USP47: variants seen among roughly 807,000 people sequenced by gnomAD.
USP47 encodes ubiquitin carboxyl-terminal hydrolase 47.
Under a neutral mutation model 165.1 loss-of-function variants are expected in USP47, and 35 were observed. The ratio of observed to expected loss-of-function variants is 0.21; its 90% CI spans 0.16 to 0.28. The LOEUF is 0.28. Ranked by LOEUF, USP47 falls within the 10% of genes least tolerant of loss-of-function variation. The pLI is 1.00. For synonymous variants in USP47, 531 were observed against 544.5 expected (o/e 0.98, Z 0.35); for missense variants, 1,277 against 1,607.4 (o/e 0.79, Z 3.52).
chr11:11,915,364 T>C (rs1231874101), intron 8 of USP47, among the ~76,000 whole-genome samples: 6 of 152,166 alleles, frequency 3.9e-5, no homozygotes, highest in Admixed American at 2.0e-4. Context: ...AAGCAGGTGG[T>C]TGTGGCTATA....
At chr11:11,842,818 T>G (rs933016049) in intron 1 of USP47, among the ~76,000 whole-genome samples, 39 of 151,110 alleles carry the variant, frequency 2.6e-4, no homozygotes, top group Non-Finnish European at 4.7e-4. Flanking sequence ...AGGAGAACAT[T>G]ACCACATGGA....
chr11:11,919,012 G>A (rs1853632151), intron 8 of USP47, among the ~76,000 whole-genome samples: 1 of 148,976 alleles, frequency 6.7e-6, no homozygotes, highest in Non-Finnish European at 1.5e-5. Flanking sequence ...CCAATAAAAT[G>A]CATGGTCATG....
intron 14 of USP47, among the ~76,000 whole-genome samples, chr11:11,931,877 A>G (rs1854692598): frequency 6.6e-6 from 1 of 152,176 alleles, no homozygotes; most frequent in Non-Finnish European, 1.5e-5. Context: ...AACTTTCGTA[A>G]AAATGATTAT....
intron 19 of USP47, among the ~76,000 whole-genome samples, chr11:11,940,943 G>A (rs1215000560): frequency 2.5e-4 from 38 of 151,798 alleles, no homozygotes; most frequent in Admixed American, 2.4e-3. Flanking sequence ...AGTGCTTCAT[G>A]GTGAGGGTCA....
At chr11:11,911,594 T>A (rs1852992076) in intron 8 of USP47, among the ~76,000 whole-genome samples, 1 of 150,964 alleles carries the variant, frequency 6.6e-6, no homozygotes, top group African/African-American at 2.4e-5. Context: ...ATAACACAGC[T>A]GCCAAAATAC....
rs1283487540 is a variant in USP47 at position 11,882,247 on chromosome 11, A to G, written c.243+1867A>G. The stretch of plus-strand genomic sequence containing the variant: ...TACTGGATTGGTTTATTTTCTTAAC[A>G]TAGATTTCCATATTTTTCTGTCTTA... On this transcript the variant is annotated intron_variant, in intron 2 of 27. Coordinates refer to ENST00000527733, the MANE Select transcript of USP47 (RefSeq NM_001282659.2). Among the ~76,000 whole-genome samples, 7 of 152,152 alleles carry G rather than the reference A, an allele frequency of 4.6e-5. No homozygotes were observed. The South Asian group carries it at 1.2e-3, about 27-fold the overall frequency.
chr11:11,935,659 T>G (rs1425620576), intron 16 of USP47, among the ~76,000 whole-genome samples: 1 of 151,950 alleles, frequency 6.6e-6, no homozygotes, highest in African/African-American at 2.4e-5. Context: ...AATCCTACTG[T>G]GTTTCTCTAG....
At chr11:11,908,713 A>G (rs1367472395) in intron 8 of USP47, among the ~76,000 whole-genome samples, 2 of 150,860 alleles carry the variant, frequency 1.3e-5, no homozygotes, top group African/African-American at 4.9e-5. Context: ...CTTTTATTAT[A>G]ATAATTTCTT....
At chr11:11,870,739 C>T (rs962961563) in intron 1 of USP47, among the ~76,000 whole-genome samples, 1 of 152,128 alleles carries the variant, frequency 6.6e-6, no homozygotes, top group Non-Finnish European at 1.5e-5. Flanking sequence ...AAAATTATCC[C>T]GCTTTTCTGT....
intron 3 of USP47, among the ~76,000 whole-genome samples, chr11:11,890,028 T>G (rs1851413014): frequency 6.6e-6 from 1 of 152,154 alleles, no homozygotes; most frequent in Non-Finnish European, 1.5e-5. Context: ...GACTCCTTCC[T>G]TACACCATAA....
intron 8 of USP47, among the ~76,000 whole-genome samples, chr11:11,912,249 G>C (rs1201851696): frequency 1.3e-5 from 2 of 151,768 alleles, no homozygotes; most frequent in Non-Finnish European, 2.9e-5. Context: ...TTGAACATGA[G>C]AAAACAGTAG....
chr11:11,851,912 A>G (rs1172967230), intron 1 of USP47, among the ~76,000 whole-genome samples: 4 of 152,152 alleles, frequency 2.6e-5, no homozygotes, highest in African/African-American at 9.7e-5. Context: ...TTCTTAGTGC[A>G]TTATGTTGGT....
At position 11,955,961 on chromosome 11, in the gene USP47, G is replaced by A. The variant is rs192870778; in HGVS notation, c.3894-40G>A. 1.4e-3 allele frequency: 2,028 copies of A among 1,460,494 alleles called. 30 individuals carry two copies. The African/African-American group carries it at 0.026, about 19-fold the overall frequency. The allele number at this position is 1,460,494 out of a possible 1,614,324, so 90.5% of individuals were successfully genotyped here. ...AAGCATACATTAATAGAGGTGGAGG[G>A]CTCTACTGGACTAATATGTGATTAA... On this transcript the variant is annotated intron_variant, in intron 27 of 27. Transcript: ENST00000527733.
chr11:11,850,888 G>A (rs1388130434), intron 1 of USP47, among the ~76,000 whole-genome samples: 1 of 152,218 alleles, frequency 6.6e-6, no homozygotes, highest in African/African-American at 2.4e-5. Flanking sequence ...GTCTCGCTGT[G>A]TCCTCACATG....
At chr11:11,879,089 C>A (rs1458011657) in intron 1 of USP47, among the ~76,000 whole-genome samples, 4 of 152,092 alleles carry the variant, frequency 2.6e-5, no homozygotes, top group Admixed American at 6.6e-5. Flanking sequence ...AGATTTACAT[C>A]ATCAGATTTG....
chr11:11,902,668 TAATAA>T, intron 5 of USP47, 42 bp from the exon 6 acceptor site: 2 of 1,276,318 alleles, frequency 1.6e-6, no homozygotes, highest in Non-Finnish European at 2.1e-6. Flanking sequence ...TGCTTTTAAA[TAATAA>T]AATCATTTTA....
At position 11,956,494 on chromosome 11, in the gene USP47, A is replaced by G. The variant is rs148059628; in HGVS notation, c.*319A>G. On this transcript the variant is annotated 3_prime_UTR_variant, in exon 28 of 28. Coordinates refer to ENST00000527733, the MANE Select transcript of USP47 (RefSeq NM_001282659.2). ...AGTAAACTTCTTTTATTGCGGACAA[A>G]TGTGCACATAGCCGCTAGTAAAACT... The G allele has an allele frequency of 1.1e-3, 222 of 205,480 alleles. No individual in the cohort carries two copies. Among genetic ancestry groups the G allele is most frequent in the African/African-American group, 4.9e-3 (211 of 43,132 alleles). The allele number at this position is 205,480 out of a possible 1,614,324, so 12.7% of individuals were successfully genotyped here.
intron 1 of USP47, among the ~76,000 whole-genome samples, chr11:11,854,665 T>C (rs1323486111): frequency 6.8e-6 from 1 of 147,684 alleles, no homozygotes; most frequent in East Asian, 2.0e-4. Context: ...GTTATGCAAG[T>C]CATTTGAAGT....
intron 1 of USP47, among the ~76,000 whole-genome samples, chr11:11,862,899 A>G (rs1455085369): frequency 2.0e-5 from 3 of 152,108 alleles, no homozygotes; most frequent in Admixed American, 6.5e-5. Flanking sequence ...TGTAGTAGTG[A>G]AGGCAGGTAT....
Sources: allele counts gnomAD v4.1 joint callset (sites outside exome capture counted in the v4.1 genomes callset), GRCh38; gene constraint gnomAD v4.1.1; transcripts MANE v1.5; gene names NCBI Gene and HGNC (gene_info 2026-07-23, HGNC 2026-07-21).